SLC12A2: variants seen among roughly 807,000 people sequenced by gnomAD.
SLC12A2 encodes the protein Na-K-2Cl cotransporter 1.
Under a neutral mutation model 136.3 loss-of-function variants are expected in SLC12A2, and 67 were observed. The observed-to-expected ratio is 0.49, with a 90% confidence interval of 0.40 to 0.60. The LOEUF (loss-of-function observed/expected upper bound fraction) is 0.60. Ranked by LOEUF, SLC12A2 falls within the 20% of genes least tolerant of loss-of-function variation. The pLI is 0.00. For missense variants in SLC12A2, 1,322 were observed against 1,534.7 expected (o/e 0.86, Z 2.32); for synonymous variants, 619 against 562.9 (o/e 1.10, Z -1.41).
chr5:128,084,833 C>G lies in SLC12A2; in HGVS notation c.756+123C>G. The G allele has an allele frequency of 1.8e-6, 2 of 1,102,028 alleles. No homozygotes were observed. Among genetic ancestry groups the G allele is most frequent in the Non-Finnish European group, 2.5e-6 (2 of 794,240 alleles). 68.3% of individuals were successfully genotyped at this position (1,102,028 alleles called of 1,614,324 possible). ...GTAGACGTGCACGACTTGCTGGCATCTCTGGATTCAGCTGTCAAGGGTGGA... is the reference window on the plus strand; with the variant it reads ...GTAGACGTGCACGACTTGCTGGCATGTCTGGATTCAGCTGTCAAGGGTGGA... On this transcript the variant is annotated intron_variant, in intron 1 of 26. Transcript: ENST00000262461. This position sits in a 1 kb window ranked among gnomAD's most constrained non-coding sequence, Gnocchi z 5.6.
chr5:128,100,146 T>A (rs1020947733), intron 1 of SLC12A2, among the ~76,000 whole-genome samples: 3 of 152,126 alleles, frequency 2.0e-5, no homozygotes, highest in Non-Finnish European at 4.4e-5. Flanking sequence ...GGCTACCACG[T>A]CAGTAGGAGA....
chr5:128,157,984 A>G lies in SLC12A2; in HGVS notation c.2364-69A>G. 3 of 1,312,130 alleles carry G rather than the reference A, an allele frequency of 2.3e-6. No individual in the cohort carries two copies. In the East Asian group the frequency reaches 7.1e-5, roughly 31 times the overall value. 81.3% of individuals were successfully genotyped at this position (1,312,130 alleles called of 1,614,324 possible). ...TGTATACAGAAAGCTTCTTAGGGAA[A>G]CAACTTAAAATCTTGTTGCCAGAAA... is the stretch of plus-strand genomic sequence containing the variant. On this transcript the variant is annotated intron_variant, in intron 15 of 26. Coordinates refer to ENST00000262461, the MANE Select transcript of SLC12A2 (RefSeq NM_001046.3).
At position 128,099,114 on chromosome 5, in the gene SLC12A2, G is replaced by A. The variant is rs139510627; in HGVS notation, c.757-13700G>A. ...TTCCATGCACATACAGTCGTATGTT[G>A]CTTGACAACTGGGATACTTTAGAGA... On this transcript the variant is annotated intron_variant, in intron 1 of 26. Transcript: ENST00000262461. Among the ~76,000 whole-genome samples the A allele has an allele frequency of 2.6e-5, 4 of 152,108 alleles. No individual in the cohort carries two copies. In the East Asian group the frequency reaches 7.7e-4, roughly 29 times the overall value.
intron 17 of SLC12A2, among the ~76,000 whole-genome samples, chr5:128,164,847 G>GC (rs1163206838): frequency 8.1e-6 from 1 of 123,562 alleles, no homozygotes; most frequent in East Asian, 2.3e-4. Context: ...AAACTGTTTT[G>GC]TTTTTTTTTT....
intron 12 of SLC12A2, 150 bp from the exon 13 acceptor site, chr5:128,149,846 TG>T: frequency 1.5e-6 from 1 of 654,142 alleles, no homozygotes; most frequent in Non-Finnish European, 2.7e-6. Context: ...GTAAAGTATA[TG>T]AGGCATATAT....
intron 4 of SLC12A2, among the ~76,000 whole-genome samples, chr5:128,120,186 A>T (rs1225405634): frequency 4.6e-5 from 7 of 151,974 alleles, no homozygotes; most frequent in African/African-American, 9.7e-5. Context: ...TTAGAATGGC[A>T]ATCATTAAAA....
rs371450898 is a variant in SLC12A2 at position 128,136,483 on chromosome 5, T to C, written c.1408+675T>C. Among the ~76,000 whole-genome samples the C allele has an allele frequency of 3.9e-5, 6 of 152,268 alleles. No individual in the cohort carries two copies. In the East Asian group the frequency reaches 9.6e-4, roughly 24 times the overall value. On this transcript the variant is annotated intron_variant, in intron 7 of 26. Coordinates refer to ENST00000262461, the MANE Select transcript of SLC12A2 (RefSeq NM_001046.3). ...AGTTAGTAAGTGATCTGTGGAAGAATACTCTGAGACTGTTCATAGCCCTGT... is the reference window on the plus strand; with the variant it reads ...AGTTAGTAAGTGATCTGTGGAAGAACACTCTGAGACTGTTCATAGCCCTGT...
intron 19 of SLC12A2, among the ~76,000 whole-genome samples, chr5:128,172,690 G>A (rs1235289857): frequency 6.6e-6 from 1 of 152,188 alleles, no homozygotes; most frequent in Non-Finnish European, 1.5e-5. Context: ...GCTGGGCACC[G>A]TGGCCCATGC....
In SLC12A2 at chr5:128,161,518, A is replaced by G. The variant is rs143656849; in HGVS notation, c.2476-142A>G. On this transcript the variant is annotated intron_variant, in intron 16 of 26. Transcript: ENST00000262461. Reference sequence around the variant, plus strand: ...TAATCTTATGTATTAAAAAGACTACATGGAAATAAAATGCTATTATTATAC... The same window carrying G: ...TAATCTTATGTATTAAAAAGACTACGTGGAAATAAAATGCTATTATTATAC... 1.3e-3 allele frequency: 545 copies of G among 428,816 alleles called. 1 individual carries two copies. The highest frequency in any genetic ancestry group is 9.5e-3 in the African/African-American group (465 of 48,818). 26.6% of individuals were successfully genotyped at this position (428,816 alleles called of 1,614,324 possible). A position where few individuals can be genotyped will look rare whatever the true frequency, so the allele number is the denominator to read the frequency against.
intron 1 of SLC12A2, among the ~76,000 whole-genome samples, chr5:128,098,379 T>G (rs1760619221): frequency 6.6e-6 from 1 of 152,138 alleles, no homozygotes; most frequent in Non-Finnish European, 1.5e-5. Flanking sequence ...ATATTTACCT[T>G]TGCTTTTGTT....
At chr5:128,139,555 G>A (rs562008746) in intron 9 of SLC12A2, among the ~76,000 whole-genome samples, 31 of 152,328 alleles carry the variant, frequency 2.0e-4, no homozygotes, top group African/African-American at 7.5e-4. Context: ...GAGGATAGAA[G>A]TTCCGAGATT....
At chr5:128,108,566 T>C (rs1422384126) in intron 1 of SLC12A2, among the ~76,000 whole-genome samples, 1 of 152,134 alleles carries the variant, frequency 6.6e-6, no homozygotes, top group Non-Finnish European at 1.5e-5. Flanking sequence ...CTTGTGTGAG[T>C]CCATTTATAT....
chr5:128,137,939 T>TA (rs1015014413), intron 7 of SLC12A2, among the ~76,000 whole-genome samples: 10 of 140,738 alleles, frequency 7.1e-5, no homozygotes, highest in African/African-American at 2.0e-4. Flanking sequence ...TTTGTTTTCC[T>TA]TTTTTTTTTT....
chr5:128,134,228 G>A lies in SLC12A2; in HGVS notation c.1252G>A (p.Val418Met), dbSNP rs768407146. 23 of 1,607,866 alleles carry A rather than the reference G, an allele frequency of 1.4e-5. No homozygotes were observed. The highest frequency in any genetic ancestry group is 1.3e-4 in the Admixed American group (8 of 59,932). Residue 418 changes from valine (V) to methionine (M), a missense_variant, in exon 6 of 27, where the codon GTG (valine) becomes ATG (methionine). By Grantham distance (21) the Val-to-Met change is conservative (BLOSUM62 1). Transcript: ENST00000262461. ...CCGAATTATTGGAGCCATTACAGTC[G>A]TGATTCTTTTAGGTATCTCAGTAGC... Reference protein sequence around the residue: ...DIRIIGAITVVILLGISVAGM... With the variant: ...DIRIIGAITVMILLGISVAGM...
rs1449274718 is a variant in SLC12A2, at chr5:128,083,898, G to A, written c.-57G>A. ...GCCACCGCCGGCCAGGGGTGTGGAG[G>A]GCGTGCTGCCGGAGACGTCCGCCGG... On this transcript the variant is annotated 5_prime_UTR_variant, in exon 1 of 27. Coordinates refer to ENST00000262461, the MANE Select transcript of SLC12A2 (RefSeq NM_001046.3). 8.4e-7 allele frequency: 1 copy of A among 1,195,568 alleles called. No individual in the cohort carries two copies. The highest frequency in any genetic ancestry group is 1.0e-6 in the Non-Finnish European group (1 of 959,516). The allele number at this position is 1,195,568 out of a possible 1,614,324, so 74.1% of individuals were successfully genotyped here.
intron 26 of SLC12A2, among the ~76,000 whole-genome samples, chr5:128,186,180 G>C (rs1763862638): frequency 6.6e-6 from 1 of 152,080 alleles, no homozygotes; most frequent in Non-Finnish European, 1.5e-5. Flanking sequence ...TTGTAGCTTA[G>C]GAGCAACAGG....
intron 4 of SLC12A2, 68 bp from the exon 5 acceptor site, chr5:128,130,999 A>G: frequency 6.9e-7 from 1 of 1,458,276 alleles, no homozygotes; most frequent in South Asian, 1.2e-5. Context: ...TGTATAATTA[A>G]AGGATAATTT....
intron 2 of SLC12A2, 46 bp from the exon 3 acceptor site, chr5:128,114,166 G>T: frequency 7.4e-7 from 1 of 1,346,150 alleles, no homozygotes; most frequent in South Asian, 1.2e-5. Flanking sequence ...TATAATGTTT[G>T]ATTATTCTTC....
Position 128,084,505 on chromosome 5 carries a change from G to A in SLC12A2, c.551G>A (p.Ser184Asn). Reference sequence around the variant, plus strand: ...GACACGGTGCTGAGCGAGGGCAGCAGCCTGCACTCCGGCGGCGGCGGCGGC... The same window carrying A: ...GACACGGTGCTGAGCGAGGGCAGCAACCTGCACTCCGGCGGCGGCGGCGGC... ...GGDTVLSEGS[S>N]LHSGGGGGSG... Residue 184 changes from serine to asparagine, a missense_variant, in exon 1 of 27, where the codon AGC becomes AAC. Ser to Asn is a conservative substitution (Grantham distance 46). Around this residue, in one of 8 missense-constraint regions of SLC12A2, gnomAD observed 358 missense variants for 299.7 expected, o/e 1.19. Coordinates refer to ENST00000262461, the MANE Select transcript of SLC12A2 (RefSeq NM_001046.3). This position sits in a 1 kb window ranked among gnomAD's most constrained non-coding sequence, Gnocchi z 5.6. 1.2e-6 allele frequency: 2 copies of A among 1,613,104 alleles called. No individual in the cohort carries two copies. The highest frequency in any genetic ancestry group is 2.2e-5 in the South Asian group (2 of 91,046).
Sources: gnomAD v4.1 joint callset for allele counts (sites outside exome capture counted in the v4.1 genomes callset) on GRCh38, gnomAD v4.1.1 for gene constraint, gnomAD v4.1.1 regional missense constraint, Gnocchi (gnomAD v3.1) non-coding constraint, MANE v1.5 for transcripts, NCBI Gene and HGNC (gene_info 2026-07-23, HGNC 2026-07-21) for gene names.